FBXO46: variants seen among roughly 807,000 people sequenced by gnomAD.
FBXO46 encodes F-box protein 46, also known as F-box only protein 46.
FBXO46 carries 13 observed loss-of-function variants against 30.7 expected under a neutral mutation model. The ratio of observed to expected loss-of-function variants is 0.42; its 90% CI spans 0.28 to 0.67. The LOEUF (loss-of-function observed/expected upper bound fraction) is 0.67. FBXO46 is among the 30% of genes least tolerant of loss of function. The pLI is 0.21. For synonymous variants in FBXO46, 467 were observed against 385.8 expected, an observed-to-expected ratio of 1.21 and a Z score of -2.47; for missense variants, 754 against 871.5, an observed-to-expected ratio of 0.87 and a Z score of 1.70.
chr19:45,721,191 T>A (rs1600363325), intron 1 of FBXO46, among the ~76,000 whole-genome samples: 2 of 151,956 alleles, frequency 1.3e-5, no homozygotes, highest in African/African-American at 4.8e-5. Context: ...CCGTCTCTAC[T>A]AAAAATACAA....
upstream of FBXO46, among the ~76,000 whole-genome samples, chr19:45,731,620 C>T (rs1325022561): frequency 2.0e-5 from 3 of 151,708 alleles, no homozygotes; most frequent in East Asian, 3.9e-4. Flanking sequence ...CGGCCCGTCC[C>T]CTCCTTTCTT....
In FBXO46 at chr19:45,712,184, C is replaced by T. The variant is rs765331519; in HGVS notation, c.1312G>A (p.Glu438Lys). 3 of 1,602,486 alleles carry T rather than the reference C, an allele frequency of 1.9e-6. No individual in the cohort carries two copies. The highest frequency in any genetic ancestry group is 8.5e-7 in the Non-Finnish European group (1 of 1,175,288). Residue 438 changes from glutamate to lysine, a missense_variant, in exon 2 of 2, where the codon GAG becomes AAG. Physicochemically the swap from Glu to Lys is moderately conservative, Grantham distance 56 (BLOSUM62 1). Around this residue, in one of 5 missense-constraint regions of FBXO46, gnomAD observed 162 missense variants for 258.7 expected, o/e 0.63. Transcript: ENST00000317683. The surrounding 1 kb of genome is among the most constrained non-coding windows in gnomAD (Gnocchi z 8.8). ...CACAGGGAGGTGTCCGCCGTGCCCT[C>T]GGCATCGTCTGGGCCGGGCGCAGTG... ...PATAPGPDDA[E>K]GTADTSLCRL...
At chr19:45,719,007 G>C (rs966897640) in intron 1 of FBXO46, among the ~76,000 whole-genome samples, 2 of 150,986 alleles carry the variant, frequency 1.3e-5, no homozygotes, top group Non-Finnish European at 2.9e-5. Flanking sequence ...AGCACTTTGG[G>C]AGGCAGAGGG....
intron 1 of FBXO46, among the ~76,000 whole-genome samples, chr19:45,727,007 C>G (rs747453951): frequency 6.6e-6 from 1 of 152,042 alleles, no homozygotes; most frequent in South Asian, 2.1e-4. Flanking sequence ...CCTGTAACCC[C>G]AGCACTTTGG....
At chr19:45,724,779 CG>C (rs1968216754) in intron 1 of FBXO46, among the ~76,000 whole-genome samples, 1 of 152,084 alleles carries the variant, frequency 6.6e-6, no homozygotes, top group African/African-American at 2.4e-5. Flanking sequence ...CTCAGCCTCC[CG>C]AGTAGCTGGG....
chr19:45,732,945 T>C (rs936885613), upstream of FBXO46, among the ~76,000 whole-genome samples: 1 of 152,106 alleles, frequency 6.6e-6, no homozygotes, highest in Non-Finnish European at 1.5e-5. Context: ...CGGATTCTCA[T>C]GGTCTCGGAG....
Position 45,713,166 on chromosome 19 carries a change from AC to A in FBXO46, c.329del (p.Gly110ValfsTer9). On this transcript the variant is annotated frameshift_variant, in exon 2 of 2. Coordinates refer to ENST00000317683, the MANE Select transcript of FBXO46 (RefSeq NM_001080469.2). LOFTEE classifies it high-confidence loss of function. This position sits in a 1 kb window ranked among gnomAD's most constrained non-coding sequence, Gnocchi z 4.7. The stretch of plus-strand genomic sequence containing the variant: ...TCATGGAGCTGGCCCGGCTGCCCCC[AC>A]CACACTGGTGGGCCACAAAGAAGGC... Reference protein sequence around the residue: ...KVAFFVAHQCGGGSRASSMKV... With the variant: ...KVAFFVAHQCXGGSRASSMKV... 1 of 1,613,438 alleles carries A rather than the reference AC, an allele frequency of 6.2e-7. No homozygotes were observed. Among genetic ancestry groups the A allele is most frequent in the Non-Finnish European group, 8.5e-7 (1 of 1,179,754 alleles).
chr19:45,721,878 T>C (rs1968177819), intron 1 of FBXO46, among the ~76,000 whole-genome samples: 1 of 151,762 alleles, frequency 6.6e-6, no homozygotes, highest in Non-Finnish European at 1.5e-5. Context: ...AGTCGTGCTG[T>C]TGCCCAAGCT....
chr19:45,712,799 GGGCCAC>G lies in FBXO46; in HGVS notation c.691_696del (p.Val231_Ala232del). 2 of 1,612,134 alleles carry G rather than the reference GGGCCAC, an allele frequency of 1.2e-6. No individual in the cohort carries two copies. The highest frequency in any genetic ancestry group is 1.7e-6 in the Non-Finnish European group (2 of 1,179,106). On this transcript the variant is annotated inframe_deletion, in exon 2 of 2. Transcript: ENST00000317683. This position sits in a 1 kb window ranked among gnomAD's most constrained non-coding sequence, Gnocchi z 8.8. ...GGGCTGTCCCTCTGCGCTTCAAAGT[GGGCCAC>G]GGCCTCGGCTACACGGCTGCAGTCC...
At chr19:45,723,317 TG>T (rs1968198116) in intron 1 of FBXO46, among the ~76,000 whole-genome samples, 1 of 152,100 alleles carries the variant, frequency 6.6e-6, no homozygotes, top group South Asian at 2.1e-4. Flanking sequence ...GAGGCTGCAG[TG>T]AGCTATGATC....
rs1968021213 is a variant in FBXO46 at position 45,713,011 on chromosome 19, G to A, written c.485C>T (p.Ser162Leu). 1.9e-6 allele frequency: 3 copies of A among 1,558,048 alleles called. No individual in the cohort carries two copies. The highest frequency in any genetic ancestry group is 2.3e-5 in the East Asian group (1 of 43,228). Residue 162 changes from serine (S) to leucine (L), a missense_variant, in exon 2 of 2, where the codon TCA (serine) becomes TTA (leucine). Ser to Leu is a moderately radical substitution (Grantham distance 145). This residue lies in a region of FBXO46 where 454 missense variants were observed against 426.5 expected (regional missense o/e 1.06). Transcript: ENST00000317683. This position sits in a 1 kb window ranked among gnomAD's most constrained non-coding sequence, Gnocchi z 4.7. Reference sequence around the variant, plus strand: ...GAGCAGGTCCACGTCCTCACCGGCTGAGGCGGGGCCCTCCTCAGCAGCAGG... The same window carrying A: ...GAGCAGGTCCACGTCCTCACCGGCTAAGGCGGGGCCCTCCTCAGCAGCAGG... ...GPPAAEEGPA[S>L]AGEDVDLLSV... is the part of the protein sequence containing the mutation.
intron 1 of FBXO46, among the ~76,000 whole-genome samples, chr19:45,721,934 CT>C (rs1397566297): frequency 2.6e-5 from 4 of 152,222 alleles, no homozygotes; most frequent in African/African-American, 9.6e-5. Context: ...TCCACCTCCC[CT>C]GCCTCAGCCT....
At chr19:45,719,156 G>A (rs533189532) in intron 1 of FBXO46, among the ~76,000 whole-genome samples, 24 of 152,220 alleles carry the variant, frequency 1.6e-4, no homozygotes, top group Admixed American at 1.1e-3. Flanking sequence ...GGCTGAGGTG[G>A]GAGGATTGCT....
chr19:45,732,373 G>A (rs28579784), upstream of FBXO46, among the ~76,000 whole-genome samples: 3 of 151,570 alleles, frequency 2.0e-5, no homozygotes, highest in African/African-American at 7.3e-5. Flanking sequence ...TTGGATTTCA[G>A]GGTTTCTACT....
At chr19:45,722,138 C>T (rs1216328014) in intron 1 of FBXO46, among the ~76,000 whole-genome samples, 1 of 152,136 alleles carries the variant, frequency 6.6e-6, no homozygotes, top group African/African-American at 2.4e-5. Context: ...CTATGCCCTA[C>T]CCTGCTGCTC....
At chr19:45,725,124 CTAAA>C (rs1338236182) in intron 1 of FBXO46, among the ~76,000 whole-genome samples, 1 of 152,016 alleles carries the variant, frequency 6.6e-6, no homozygotes, top group African/African-American at 2.4e-5. Flanking sequence ...GGCCCTGTCT[CTAAA>C]TAAATAAATA....
At position 45,728,750 on chromosome 19, in the gene FBXO46, C is replaced by T. The variant is rs547051503; in HGVS notation, c.-79+2099G>A. Among the ~76,000 whole-genome samples, 4 of 152,170 alleles carry T rather than the reference C, an allele frequency of 2.6e-5. No individual in the cohort carries two copies. The East Asian group carries it at 5.8e-4, about 22-fold the overall frequency. Reference sequence around the variant, plus strand: ...ACTTGGGAGGCTGAGGTGGGAGGATCGCCTGAGCCCAGGAGGTTGAGGCTG... The same window carrying T: ...ACTTGGGAGGCTGAGGTGGGAGGATTGCCTGAGCCCAGGAGGTTGAGGCTG... On this transcript the variant is annotated intron_variant, in intron 1 of 1. Transcript: ENST00000317683.
chr19:45,718,042 A>AC (rs1191432871), intron 1 of FBXO46, among the ~76,000 whole-genome samples: 1 of 151,990 alleles, frequency 6.6e-6, no homozygotes, highest in Non-Finnish European at 1.5e-5. Context: ...ATAAACCTGA[A>AC]CCCGTCCCTA....
At chr19:45,722,327 C>T (rs1426141296) in intron 1 of FBXO46, among the ~76,000 whole-genome samples, 1 of 152,206 alleles carries the variant, frequency 6.6e-6, no homozygotes, top group Non-Finnish European at 1.5e-5. Context: ...TGGATCCCAG[C>T]TTTCCCACCT....
Sources: allele counts gnomAD v4.1 joint callset (sites outside exome capture counted in the v4.1 genomes callset), GRCh38; gene constraint gnomAD v4.1.1; regional missense constraint gnomAD v4.1.1; non-coding constraint Gnocchi (gnomAD v3.1); transcripts MANE v1.5; gene names NCBI Gene and HGNC (gene_info 2026-07-23, HGNC 2026-07-21).